Variants in ATP13A3 observed in about 807,000 individuals in gnomAD.
The protein encoded by ATP13A3 is ATPase 13A3.
Under a neutral mutation model 158.1 loss-of-function variants are expected in ATP13A3, and 59 were observed. The observed-to-expected ratio is 0.37, with a 90% CI of 0.30 to 0.46. The LOEUF (loss-of-function observed/expected upper bound fraction) is 0.46. Among genes scored for constraint, ATP13A3 ranks in the 20% least tolerant of loss-of-function variants. ATP13A3 has a pLI of 1.00. For missense variants in ATP13A3, 1,166 were observed against 1,525.2 expected (o/e 0.76, Z 3.92); for synonymous variants, 491 against 504.3 (o/e 0.97, Z 0.35).
At chr3:194,436,983 G>T (rs1717689325) in intron 20 of ATP13A3, 112 bp downstream of exon 20, 1 of 1,272,626 alleles carries the variant, frequency 7.9e-7, no homozygotes, top group Non-Finnish European at 1.1e-6. Flanking sequence ...TATTATATTA[G>T]ATATCTTTTC....
chr3:194,457,910 T>G (rs946755984), intron 6 of ATP13A3, among the ~76,000 whole-genome samples: 11 of 151,310 alleles, frequency 7.3e-5, no homozygotes, highest in African/African-American at 2.7e-4. Context: ...CTCAGCCTCC[T>G]GAGTAGTTAG....
At chr3:194,433,622 C>A in intron 21 of ATP13A3, 150 bp downstream of exon 21, 1 of 958,252 alleles carries the variant, frequency 1.0e-6, no homozygotes, top group Non-Finnish European at 1.5e-6. Context: ...TTATCTTGCG[C>A]TTGGGAAAAT....
At chr3:194,460,359 C>T (rs1022897838) in intron 4 of ATP13A3, among the ~76,000 whole-genome samples, 4 of 152,078 alleles carry the variant, frequency 2.6e-5, no homozygotes, top group Admixed American at 6.6e-5. Flanking sequence ...GCCTAGTGAC[C>T]GAGATCTGGA....
chr3:194,427,117 A>G lies in ATP13A3; in HGVS notation c.3083T>C (p.Val1028Ala). 6.2e-7 allele frequency: 1 copy of G among 1,613,594 alleles called. No individual in the cohort carries two copies. The highest frequency in any genetic ancestry group is 8.5e-7 in the Non-Finnish European group (1 of 1,179,920). Residue 1028 changes from valine (V) to alanine (A), a missense_variant, in exon 29 of 34, where the codon GTC becomes GCC. By Grantham distance (64) the Val-to-Ala change is moderately conservative. This residue lies in a region of ATP13A3 where 997 missense variants were observed against 1,341.2 expected (regional missense o/e 0.74). Transcript: ENST00000645319. ...CACTTCATACCAAGGTTGCTGTTTG[A>G]CCCAAAAAAAACCCAAAGATTGAAA... ...IGFQSLGFFW[V>A]KQQPWYEVWH...
In ATP13A3 at chr3:194,415,133, C is replaced by A. The variant is rs114801753; in HGVS notation, c.3403-1294G>T. The stretch of plus-strand genomic sequence containing the variant: ...AAAAGGCCAAAAGACAGCAAAGCAT[C>A]ACAAAATTTCAGAAGAGAGTATCTT... On this transcript the variant is annotated intron_variant, in intron 31 of 33. Coordinates refer to ENST00000645319, the MANE Select transcript of ATP13A3 (RefSeq NM_001367549.1). 3.1e-3 allele frequency among the ~76,000 whole-genome samples: 474 copies of A among 152,292 alleles called. 6 individuals are homozygous for A. The highest frequency in any genetic ancestry group is 5.4e-3 in the Non-Finnish European group (367 of 68,014).
At chr3:194,457,868 C>T (rs937448811) in intron 6 of ATP13A3, among the ~76,000 whole-genome samples, 7 of 151,518 alleles carry the variant, frequency 4.6e-5, no homozygotes, top group Non-Finnish European at 7.4e-5. Flanking sequence ...TCACTGCAAC[C>T]TCCGCCTCCT....
chr3:194,403,942 C>T lies in ATP13A3; in HGVS notation c.*1977G>A. The T allele has an allele frequency of 3.0e-6, 1 of 328,398 alleles. No individual in the cohort carries two copies. The highest frequency in any genetic ancestry group is 5.9e-6 in the Non-Finnish European group (1 of 169,016). The allele number at this position is 328,398 out of a possible 1,614,324, so 20.3% of individuals were successfully genotyped here. A position where few individuals can be genotyped will look rare whatever the true frequency, so the allele number is the denominator to read the frequency against. ...TGGGGGGGGGGTGTCAAAAATAGCT[C>T]TTTATGATCATGCTCTTAAAGATGT... On this transcript the variant is annotated 3_prime_UTR_variant, in exon 34 of 34. Transcript: ENST00000645319.
At position 194,447,911 on chromosome 3, in the gene ATP13A3, G is replaced by A; in HGVS notation, c.1249C>T (p.Leu417Phe). The change falls in exon 13 of 34, where the codon CTT becomes TTT. Residue 417 changes from leucine (L) to phenylalanine (F), a missense_variant. Transcript: ENST00000645319. ...YRDAYLFLLCLVAVAGIGFIY... is the reference protein window; with the variant it reads ...YRDAYLFLLCFVAVAGIGFIY... ...AACCCAATGCCAGCAACTGCCACAA[G>A]ACATAGTAGAAACAAGTAGGCATCT... 1 of 1,611,386 alleles carries A rather than the reference G, an allele frequency of 6.2e-7. No homozygotes were observed. The highest frequency in any genetic ancestry group is 8.5e-7 in the Non-Finnish European group (1 of 1,177,848).
intron 15 of ATP13A3, among the ~76,000 whole-genome samples, chr3:194,444,412 C>T (rs1718255606): frequency 6.6e-6 from 1 of 152,050 alleles, no homozygotes; most frequent in South Asian, 2.1e-4. Context: ...GGGAAAAAAG[C>T]AGCAAAACAT....
At chr3:194,425,663 C>T in intron 29 of ATP13A3, 134 bp from the exon 30 acceptor site, 1 of 670,390 alleles carries the variant, frequency 1.5e-6, no homozygotes, top group Non-Finnish European at 2.4e-6. Context: ...AAAGGTCCAA[C>T]AATATCAATA....
At chr3:194,465,931 A>G (rs913605848) in intron 2 of ATP13A3, among the ~76,000 whole-genome samples, 4 of 151,982 alleles carry the variant, frequency 2.6e-5, no homozygotes, top group Non-Finnish European at 5.9e-5. Context: ...ACAGTGAGCC[A>G]AGATCACGCC....
chr3:194,454,744 G>C (rs1358233162), intron 8 of ATP13A3, among the ~76,000 whole-genome samples: 1 of 151,746 alleles, frequency 6.6e-6, no homozygotes, highest in Non-Finnish European at 1.5e-5. Context: ...CAGGAGAATG[G>C]CTTGAACCCG....
intron 10 of ATP13A3, chr3:194,452,283 G>C (rs1718865860): frequency 6.6e-6 from 1 of 152,282 alleles, no homozygotes; most frequent in Non-Finnish European, 1.5e-5. Flanking sequence ...TTCAGACCCA[G>C]AGTTAGAGAC....
chr3:194,480,799 T>C (rs1720720226), intron 2 of ATP13A3, among the ~76,000 whole-genome samples: 1 of 152,204 alleles, frequency 6.6e-6, no homozygotes, highest in Non-Finnish European at 1.5e-5. Context: ...ATAATGATGA[T>C]AGTATGCCTT....
rs1269706855 is a variant in ATP13A3, at chr3:194,448,321, G to A, written c.1150+136C>T. ...TCTCAATCTCCTGACCTCATGATCCGCCCACCTCGGCTTCCCAAAGTGCTG... is the reference window on the plus strand; with the variant it reads ...TCTCAATCTCCTGACCTCATGATCCACCCACCTCGGCTTCCCAAAGTGCTG... On this transcript the variant is annotated intron_variant, in intron 12 of 33. Transcript: ENST00000645319. This position sits in a 1 kb window ranked among gnomAD's most constrained non-coding sequence, Gnocchi z 4.0. 8 of 989,852 alleles carry A rather than the reference G, an allele frequency of 8.1e-6. No individual in the cohort carries two copies. Among genetic ancestry groups the A allele is most frequent in the Admixed American group, 5.0e-5 (2 of 39,922 alleles). 61.3% of individuals were successfully genotyped at this position (989,852 alleles called of 1,614,324 possible). A position where few individuals can be genotyped will look rare whatever the true frequency, so the allele number is the denominator to read the frequency against.
At chr3:194,491,073 G>A (rs1721140800), upstream of ATP13A3, among the ~76,000 whole-genome samples, 1 of 152,184 alleles carries the variant, frequency 6.6e-6, no homozygotes, top group African/African-American at 2.4e-5. Flanking sequence ...GAACCCAGGA[G>A]GCAGAGGCTG....
rs372852497 is a variant in ATP13A3, at chr3:194,459,794, G to C, written c.403C>G (p.Gln135Glu). 74 of 1,608,396 alleles carry C rather than the reference G, an allele frequency of 4.6e-5. No individual in the cohort carries two copies. In the East Asian group the frequency reaches 1.5e-3, roughly 32 times the overall value. The change falls in exon 5 of 34, where the codon CAA becomes GAA. Residue 135 changes from glutamine (Q) to glutamate (E), a missense_variant. By Grantham distance (29) the Gln-to-Glu change is conservative. This residue lies in a region of ATP13A3 where 104 missense variants were observed against 91.7 expected (regional missense o/e 1.13). Coordinates refer to ENST00000645319, the MANE Select transcript of ATP13A3 (RefSeq NM_001367549.1). ...RISKYSQTES[Q>E]QIRYFTHHSV... ...TGACATTAAGATCACAATACCTGTTGTGATTCAGTCTGTGAATATTTACTG... is the reference window on the plus strand; with the variant it reads ...TGACATTAAGATCACAATACCTGTTCTGATTCAGTCTGTGAATATTTACTG...
chr3:194,443,689 T>C (rs1718199921), intron 15 of ATP13A3, among the ~76,000 whole-genome samples: 1 of 151,910 alleles, frequency 6.6e-6, no homozygotes, highest in African/African-American at 2.4e-5. Flanking sequence ...TCAAGCTATA[T>C]ACACCAAAAT....
At chr3:194,442,513 AG>A (rs1718120931) in intron 15 of ATP13A3, among the ~76,000 whole-genome samples, 1 of 152,194 alleles carries the variant, frequency 6.6e-6, no homozygotes, top group African/African-American at 2.4e-5. Context: ...GAATGCAAAA[AG>A]GGCATTTTAA....
Sources: gnomAD v4.1 joint callset for allele counts (sites outside exome capture counted in the v4.1 genomes callset) on GRCh38, gnomAD v4.1.1 for gene constraint, gnomAD v4.1.1 regional missense constraint, Gnocchi (gnomAD v3.1) non-coding constraint, MANE v1.5 for transcripts, NCBI Gene and HGNC (gene_info 2026-07-23, HGNC 2026-07-21) for gene names.